Variants in RBFOX3 observed in about 807,000 individuals in gnomAD.
RBFOX3 encodes RNA binding fox-1 homolog 3.
In RBFOX3, 17 loss-of-function variants were observed where a neutral mutation model predicts 48.7. The observed-to-expected ratio is 0.35, with a 90% CI of 0.24 to 0.52. RBFOX3 has a LOEUF of 0.52. Among genes scored for constraint, RBFOX3 ranks in the 20% least tolerant of loss-of-function variants. The pLI, the probability that RBFOX3 is intolerant of heterozygous loss-of-function variation, is 0.94. For missense variants in RBFOX3, 382 were observed against 497.5 expected (o/e 0.77, Z 2.21); for synonymous variants, 212 against 209.5 (o/e 1.01, Z -0.10).
intron 5 of RBFOX3, among the ~76,000 whole-genome samples, chr17:79,115,171 T>G (rs763765299): frequency 3.3e-5 from 5 of 152,160 alleles, no homozygotes; most frequent in Non-Finnish European, 5.9e-5. Flanking sequence ...GGGTGAGTGT[T>G]TGCTCGAAGC....
rs1302539460 is a variant in RBFOX3, at chr17:79,349,642, C to G, written c.-174-41818G>C. Among the ~76,000 whole-genome samples the G allele has an allele frequency of 3.9e-5, 6 of 152,146 alleles. 1 individual carries two copies. The East Asian group carries it at 1.2e-3, about 29-fold the overall frequency. On this transcript the variant is annotated intron_variant, in intron 2 of 14. Transcript: ENST00000693108. ...CTGATGTCTGGTGATCCCACCAGGCCCGGCAATGCCTGAAGATGACGTCCC... is the reference window on the plus strand; with the variant it reads ...CTGATGTCTGGTGATCCCACCAGGCGCGGCAATGCCTGAAGATGACGTCCC...
chr17:79,124,699 G>A (rs1433976972), intron 4 of RBFOX3, among the ~76,000 whole-genome samples: 2 of 152,224 alleles, frequency 1.3e-5, no homozygotes, highest in African/African-American at 2.4e-5. Context: ...CAGGGCCAGG[G>A]CTCTGGGAGT....
intron 3 of RBFOX3, among the ~76,000 whole-genome samples, chr17:79,303,605 G>T (rs1438515514): frequency 6.6e-6 from 1 of 152,076 alleles, no homozygotes; most frequent in African/African-American, 2.4e-5. Flanking sequence ...GCACTGACCT[G>T]CCCAGACTCA....
In RBFOX3 at chr17:79,106,596, C is replaced by T. The variant is rs553821901; in HGVS notation, c.360+55G>A. The T allele has an allele frequency of 6.4e-6, 9 of 1,404,782 alleles. No homozygotes were observed. In the East Asian group the frequency reaches 2.7e-4, roughly 42 times the overall value. The allele number at this position is 1,404,782 out of a possible 1,614,324, so 87.0% of individuals were successfully genotyped here. A position where few individuals can be genotyped will look rare whatever the true frequency, so the allele number is the denominator to read the frequency against. On this transcript the variant is annotated intron_variant, in intron 6 of 14. Coordinates refer to ENST00000693108, the MANE Select transcript of RBFOX3 (RefSeq NM_001350451.2). ...AGGAAGGCAGGGCCTGTGGGCGCCACCCTGGAGCTGGGGCAGGTGTGGAGG... is the reference window on the plus strand; with the variant it reads ...AGGAAGGCAGGGCCTGTGGGCGCCATCCTGGAGCTGGGGCAGGTGTGGAGG...
chr17:79,662,871 A>C, the RBFOX3 span, among the ~76,000 whole-genome samples: 5 of 152,148 alleles, frequency 3.3e-5, no homozygotes, highest in African/African-American at 1.2e-4. Flanking sequence ...GAAATCTCAG[A>C]GCAATCCAGC....
chr17:79,540,707 C>A (rs895664028), intron 1 of RBFOX3, among the ~76,000 whole-genome samples: 2 of 152,230 alleles, frequency 1.3e-5, no homozygotes, highest in Admixed American at 6.5e-5. Flanking sequence ...CCGGTGTGGC[C>A]TCCGCCAGGT....
intron 1 of RBFOX3, among the ~76,000 whole-genome samples, chr17:79,574,767 G>A (rs967672670): frequency 1.2e-4 from 19 of 152,282 alleles, no homozygotes; most frequent in African/African-American, 4.1e-4. Flanking sequence ...TCACAGGTTC[G>A]CTGAGTGAGA....
At chr17:79,419,392 A>G (rs549461786) in intron 2 of RBFOX3, among the ~76,000 whole-genome samples, 103 of 152,246 alleles carry the variant, frequency 6.8e-4, no homozygotes, top group African/African-American at 2.5e-3. Flanking sequence ...GCCAAGACCT[A>G]CGTCTTGGCA....
At chr17:79,272,597 G>A (rs2067942875) in intron 3 of RBFOX3, among the ~76,000 whole-genome samples, 2 of 152,182 alleles carry the variant, frequency 1.3e-5, no homozygotes, top group Non-Finnish European at 2.9e-5. Flanking sequence ...CTGAGGAGGG[G>A]GTAGGGGGTC....
At chr17:79,217,187 T>C (rs1266201959) in intron 4 of RBFOX3, among the ~76,000 whole-genome samples, 2 of 152,232 alleles carry the variant, frequency 1.3e-5, no homozygotes, top group Non-Finnish European at 2.9e-5. Flanking sequence ...TTGGCTCTGC[T>C]GGCAACTGTC....
chr17:79,450,276 T>C (rs560945791), intron 2 of RBFOX3, among the ~76,000 whole-genome samples: 132 of 152,272 alleles, frequency 8.7e-4, no homozygotes, highest in African/African-American at 3.1e-3. Flanking sequence ...CAATTTCAAT[T>C]CTAATCACTT....
chr17:79,555,918 C>G (rs1223990631), intron 1 of RBFOX3, among the ~76,000 whole-genome samples: 1 of 151,772 alleles, frequency 6.6e-6, no homozygotes, highest in African/African-American at 2.4e-5. Flanking sequence ...GTGTTGGCAA[C>G]AATGACAACA....
intron 3 of RBFOX3, among the ~76,000 whole-genome samples, chr17:79,250,165 AT>A (rs1418294379): frequency 6.6e-6 from 1 of 152,164 alleles, no homozygotes; most frequent in Non-Finnish European, 1.5e-5. Flanking sequence ...CACATGATCA[AT>A]TTCAGTCTCC....
At chr17:79,368,127 C>T (rs1173923400) in intron 2 of RBFOX3, among the ~76,000 whole-genome samples, 2 of 152,214 alleles carry the variant, frequency 1.3e-5, no homozygotes, top group Non-Finnish European at 1.5e-5. Flanking sequence ...TCCTTTATTA[C>T]GCATTGGCCC....
chr17:79,168,929 C>A (rs1454067165), intron 4 of RBFOX3, among the ~76,000 whole-genome samples: 2 of 152,214 alleles, frequency 1.3e-5, no homozygotes, highest in Non-Finnish European at 2.9e-5. Context: ...GTACCAGATC[C>A]GTAGCAATGC....
chr17:79,442,998 G>A (rs2071463737), intron 2 of RBFOX3, among the ~76,000 whole-genome samples: 2 of 152,220 alleles, frequency 1.3e-5, no homozygotes, highest in African/African-American at 4.8e-5. Flanking sequence ...CTCGGCATTG[G>A]TCAGAAGCCT....
At chr17:79,150,907 G>A (rs904576320) in intron 4 of RBFOX3, among the ~76,000 whole-genome samples, 11 of 152,306 alleles carry the variant, frequency 7.2e-5, no homozygotes, top group Admixed American at 2.0e-4. Flanking sequence ...GCCTAGCGCC[G>A]CCTGCGAGGG....
intron 2 of RBFOX3, among the ~76,000 whole-genome samples, chr17:79,309,275 T>A (rs983711429): frequency 4.6e-5 from 7 of 151,464 alleles, no homozygotes; most frequent in Non-Finnish European, 1.5e-5. Context: ...AGGAAGGGGG[T>A]GTCACATGAT....
At chr17:79,093,703 G>A (rs2074478994) in intron 14 of RBFOX3, among the ~76,000 whole-genome samples, 1 of 152,104 alleles carries the variant, frequency 6.6e-6, no homozygotes, top group African/African-American at 2.4e-5. Context: ...CACACCCCGG[G>A]GCTGGGGCCA....
Sources: allele counts gnomAD v4.1 joint callset (sites outside exome capture counted in the v4.1 genomes callset), GRCh38; gene constraint gnomAD v4.1.1; transcripts MANE v1.5; gene names NCBI Gene and HGNC (gene_info 2026-07-23, HGNC 2026-07-21).